HECW2: variants seen among roughly 807,000 people sequenced by gnomAD.
The protein encoded by HECW2 is HECT, C2 and WW domain containing E3 ubiquitin protein ligase 2.
A neutral mutation model predicts 175.2 loss-of-function variants in HECW2; 61 were observed. That is an observed-to-expected ratio of 0.35 (90% CI 0.28 to 0.43). The LOEUF is 0.43. Ranked by LOEUF, HECW2 falls within the 20% of genes least tolerant of loss-of-function variation. HECW2 has a pLI of 1.00. For missense variants in HECW2, 1,524 were observed against 2,000.5 expected, an observed-to-expected ratio of 0.76 and a Z score of 4.54; for synonymous variants, 671 against 731.0, an observed-to-expected ratio of 0.92 and a Z score of 1.32.
intron 13 of HECW2, among the ~76,000 whole-genome samples, chr2:196,296,119 CTG>C (rs1435308979): frequency 2.0e-5 from 3 of 151,678 alleles, no homozygotes; most frequent in East Asian, 1.9e-4. Flanking sequence ...TATGCAAAAA[CTG>C]TGTGTGTATA....
chr2:196,330,680 G>A (rs900269923), intron 4 of HECW2, among the ~76,000 whole-genome samples: 11 of 152,006 alleles, frequency 7.2e-5, no homozygotes, highest in African/African-American at 2.7e-4. Context: ...ACCTCCATGC[G>A]ATATCTGATC....
At chr2:196,245,273 C>G (rs561137539) in intron 19 of HECW2, among the ~76,000 whole-genome samples, 109 of 152,324 alleles carry the variant, frequency 7.2e-4, no homozygotes, top group African/African-American at 2.3e-3. Context: ...GAAATCCTCA[C>G]AAGTCTACGA....
At position 196,422,822 on chromosome 2, in the gene HECW2, C is replaced by T. The variant is rs992461987; in HGVS notation, c.292+10310G>A. Among the ~76,000 whole-genome samples the T allele has an allele frequency of 6.6e-5, 10 of 152,188 alleles. 1 individual carries two copies. The South Asian group carries it at 8.3e-4, about 13-fold the overall frequency. The stretch of plus-strand genomic sequence containing the variant: ...ATAAAATATCAAAAGAACTTAGGAT[C>T]GGGCACTCTTAACTATATTTGATAG... On this transcript the variant is annotated intron_variant, in intron 2 of 28. Coordinates refer to ENST00000644978, the MANE Select transcript of HECW2 (RefSeq NM_001348768.2).
intron 17 of HECW2, among the ~76,000 whole-genome samples, chr2:196,265,953 A>G (rs1043505168): frequency 6.6e-6 from 1 of 152,154 alleles, no homozygotes; most frequent in African/African-American, 2.4e-5. Flanking sequence ...ACCTTCTAAG[A>G]GCCATTACTG....
intron 17 of HECW2, among the ~76,000 whole-genome samples, chr2:196,262,828 G>A (rs1689356186): frequency 6.6e-6 from 1 of 152,094 alleles, no homozygotes; most frequent in Admixed American, 6.5e-5. Flanking sequence ...AAAGTAGCTG[G>A]GATTACAGGC....
At chr2:196,589,757 G>A (rs1691117731) in intron 1 of HECW2, among the ~76,000 whole-genome samples, 1 of 152,126 alleles carries the variant, frequency 6.6e-6, no homozygotes, top group South Asian at 2.1e-4. Context: ...GTAACCACTA[G>A]GTCTGCAAAC....
intron 1 of HECW2, among the ~76,000 whole-genome samples, chr2:196,484,459 G>C (rs2125376826): frequency 6.6e-6 from 1 of 152,252 alleles, no homozygotes; most frequent in South Asian, 2.1e-4. Context: ...AGGCTGCCCA[G>C]CACACCCTGA....
At chr2:196,220,725 G>A (rs1476278484) in intron 25 of HECW2, 70 bp downstream of exon 25, 3 of 1,488,902 alleles carry the variant, frequency 2.0e-6, no homozygotes, top group African/African-American at 1.4e-5. Flanking sequence ...CACATGTAAA[G>A]TACAATAAGA....
intron 21 of HECW2, among the ~76,000 whole-genome samples, chr2:196,236,794 A>G (rs1688268063): frequency 6.6e-6 from 1 of 152,210 alleles, no homozygotes; most frequent in South Asian, 2.1e-4. Context: ...CACGCATCAT[A>G]CCGAGGGTAC....
chr2:196,410,760 T>A (rs902757705), intron 2 of HECW2, among the ~76,000 whole-genome samples: 1 of 152,328 alleles, frequency 6.6e-6, no homozygotes, highest in African/African-American at 2.4e-5. Context: ...GTTCTCCTTT[T>A]AAAATGTTCA....
chr2:196,338,503 G>A (rs538740314), intron 3 of HECW2, among the ~76,000 whole-genome samples: 23 of 152,098 alleles, frequency 1.5e-4, no homozygotes, highest in Non-Finnish European at 2.9e-4. Flanking sequence ...ATTAACCCTA[G>A]GCATTTATAT....
At chr2:196,419,476 C>G (rs1373477146) in intron 2 of HECW2, among the ~76,000 whole-genome samples, 5 of 152,186 alleles carry the variant, frequency 3.3e-5, no homozygotes, top group Non-Finnish European at 7.3e-5. Flanking sequence ...GTCCAAATAT[C>G]ATCTTCTTGG....
In HECW2 at chr2:196,197,926, A is replaced by C. The variant is rs1686741662; in HGVS notation, c.*3351T>G. 1 of 152,224 alleles carries C rather than the reference A, an allele frequency of 6.6e-6. No individual in the cohort carries two copies. Among genetic ancestry groups the C allele is most frequent in the Non-Finnish European group, 1.5e-5 (1 of 68,032 alleles). 9.4% of individuals were successfully genotyped at this position (152,224 alleles called of 1,614,324 possible). A position where few individuals can be genotyped will look rare whatever the true frequency, so the allele number is the denominator to read the frequency against. On this transcript the variant is annotated 3_prime_UTR_variant, in exon 29 of 29. Transcript: ENST00000644978. ...CTTGAATGCATTTTTACCATTTCTGATTGTTGCACAGGTAAAACAGATTTT... is the reference window on the plus strand; with the variant it reads ...CTTGAATGCATTTTTACCATTTCTGCTTGTTGCACAGGTAAAACAGATTTT...
At chr2:196,286,574 C>T (rs1265811188) in intron 14 of HECW2, among the ~76,000 whole-genome samples, 1 of 152,120 alleles carries the variant, frequency 6.6e-6, no homozygotes, top group South Asian at 2.1e-4. Flanking sequence ...AACCCCTAGA[C>T]AGTTTATTTT....
At chr2:196,343,068 GTT>G (rs1692818260) in intron 3 of HECW2, among the ~76,000 whole-genome samples, 1 of 132,392 alleles carries the variant, frequency 7.6e-6, no homozygotes, top group South Asian at 2.3e-4. Flanking sequence ...AAATGTGTAT[GTT>G]TGTGTGTGTG....
At chr2:196,243,982 A>G (rs1314431663) in intron 19 of HECW2, among the ~76,000 whole-genome samples, 1 of 152,258 alleles carries the variant, frequency 6.6e-6, no homozygotes. Context: ...TCAGACACAG[A>G]GCCATGACAA....
intron 28 of HECW2, among the ~76,000 whole-genome samples, chr2:196,211,192 C>G (rs1201429561): frequency 6.6e-6 from 1 of 152,194 alleles, no homozygotes; most frequent in African/African-American, 2.4e-5. Flanking sequence ...CATCACCCAA[C>G]TTGGCAAGAA....
intron 19 of HECW2, among the ~76,000 whole-genome samples, chr2:196,251,502 GC>G (rs1688853144): frequency 6.6e-6 from 1 of 152,098 alleles, no homozygotes; most frequent in South Asian, 2.1e-4. Flanking sequence ...CCCATTGATG[GC>G]CCAAAGATTT....
intron 3 of HECW2, among the ~76,000 whole-genome samples, chr2:196,335,117 A>G (rs1692504241): frequency 6.6e-6 from 1 of 152,148 alleles, no homozygotes; most frequent in Admixed American, 6.6e-5. Flanking sequence ...TATTATTTTA[A>G]TTTTCCAAGT....
Sources: gnomAD v4.1 joint callset for allele counts (sites outside exome capture counted in the v4.1 genomes callset) on GRCh38, gnomAD v4.1.1 for gene constraint, MANE v1.5 for transcripts, NCBI Gene and HGNC (gene_info 2026-07-23, HGNC 2026-07-21) for gene names.